The following EP300 variants were observed in gnomAD, a reference collection of about 807,000 sequenced individuals.
EP300 encodes the protein histone acetyltransferase p300.
In EP300, 31 loss-of-function variants were observed where a neutral mutation model predicts 264.0. The observed-to-expected ratio is 0.12, with a 90% CI of 0.09 to 0.16. EP300 has a LOEUF of 0.16. Ranked by LOEUF, EP300 falls within the 10% of genes least tolerant of loss-of-function variation. EP300 has a pLI of 1.00. For missense variants in EP300, 2,766 were observed against 3,052.9 expected, an observed-to-expected ratio of 0.91 and a Z score of 2.21; for synonymous variants, 1,340 against 1,045.4, an observed-to-expected ratio of 1.28 and a Z score of -5.44.
chr22:41,156,661 G>A (rs1384794566), intron 17 of EP300, among the ~76,000 whole-genome samples: 2 of 152,154 alleles, frequency 1.3e-5, no homozygotes, highest in Admixed American at 6.5e-5. Flanking sequence ...GGAGGCAGAG[G>A]TTGCACTGAG....
chr22:41,094,830 G>T (rs1374406583), intron 1 of EP300, among the ~76,000 whole-genome samples: 1 of 152,118 alleles, frequency 6.6e-6, no homozygotes, highest in African/African-American at 2.4e-5. Context: ...TGTACTTTGA[G>T]TAGTCCTGAT....
intron 16 of EP300, 48 bp downstream of exon 16, chr22:41,152,398 G>A (rs764990703): frequency 1.3e-6 from 2 of 1,583,434 alleles, no homozygotes; most frequent in South Asian, 1.1e-5. Context: ...AGAAACCAAA[G>A]ACCCAGGGCA....
Position 41,131,443 on chromosome 22 carries a change from T to A in EP300, c.1338T>A (p.Gly446=), listed in dbSNP as rs2145715543. The change falls in exon 6 of 31, where the codon GGT becomes GGA. Residue 446 remains glycine, a synonymous_variant. Coordinates refer to ENST00000263253, the MANE Select transcript of EP300 (RefSeq NM_001429.4). ...GLGNPSSLGV[G]QQSAPNLSTV... ...GAAATCCTAGCTCTCTAGGGGTGGGTCAACAGTCTGCCCCCAACCTAAGCA... is the reference window on the plus strand; with the variant it reads ...GAAATCCTAGCTCTCTAGGGGTGGGACAACAGTCTGCCCCCAACCTAAGCA... The A allele has an allele frequency of 6.2e-7, 1 of 1,614,036 alleles. No homozygotes were observed. The highest frequency in any genetic ancestry group is 8.5e-7 in the Non-Finnish European group (1 of 1,179,998).
intron 1 of EP300, among the ~76,000 whole-genome samples, chr22:41,106,216 A>T (rs5751043): frequency 6.6e-6 from 1 of 152,188 alleles, no homozygotes; most frequent in Non-Finnish European, 1.5e-5. Flanking sequence ...TTAAAATTTC[A>T]TGCTTTTTAA....
At chr22:41,176,133 T>C (rs2059199089) in intron 29 of EP300, 114 bp from the exon 30 acceptor site, 1 of 1,233,696 alleles carries the variant, frequency 8.1e-7, no homozygotes, top group Admixed American at 1.8e-5. Context: ...GGTGGGATAA[T>C]TGCTTGAGCC....
At chr22:41,135,955 G>T in intron 7 of EP300, 49 bp downstream of exon 7, 1 of 1,336,982 alleles carries the variant, frequency 7.5e-7, no homozygotes, top group South Asian at 1.2e-5. Flanking sequence ...AAATACTACT[G>T]GTTAACAATT....
At chr22:41,100,538 AT>A (rs1175328983) in intron 1 of EP300, among the ~76,000 whole-genome samples, 3 of 152,204 alleles carry the variant, frequency 2.0e-5, no homozygotes, top group Non-Finnish European at 2.9e-5. Context: ...TCAGCCACAG[AT>A]TGAAAATATT....
chr22:41,170,331 A>T (rs2145766138), intron 26 of EP300, 75 bp from the exon 27 acceptor site: 1 of 1,421,750 alleles, frequency 7.0e-7, no homozygotes, highest in Non-Finnish European at 9.9e-7. Flanking sequence ...ATCAACTCCA[A>T]CTTGTGGTTT....
intron 1 of EP300, among the ~76,000 whole-genome samples, chr22:41,099,492 C>T (rs974010187): frequency 7.2e-5 from 11 of 152,168 alleles, no homozygotes; most frequent in African/African-American, 9.7e-5. Flanking sequence ...AATTTAATGC[C>T]TTTTCCATCT....
chr22:41,095,012 AATTC>A (rs1215725134), intron 1 of EP300, among the ~76,000 whole-genome samples: 3 of 152,148 alleles, frequency 2.0e-5, no homozygotes, highest in Non-Finnish European at 4.4e-5. Context: ...CATTGAGATT[AATTC>A]ATTCACTCAT....
rs575335037 is a variant in EP300 at position 41,142,574 on chromosome 22, G to A, written c.2053+1352G>A. On this transcript the variant is annotated intron_variant, in intron 10 of 30. Transcript: ENST00000263253. ...GCTTCAGTACATGATTTGGACTTGA[G>A]TAGTAACTAAAGATTAAAAAAAGTA... Among the ~76,000 whole-genome samples the A allele has an allele frequency of 6.6e-5, 10 of 152,222 alleles. No individual in the cohort carries two copies. In the South Asian group the frequency reaches 2.1e-3, roughly 32 times the overall value.
chr22:41,164,198 C>T (rs2059122929), intron 22 of EP300, 68 bp downstream of exon 22: 1 of 1,352,538 alleles, frequency 7.4e-7, no homozygotes, highest in African/African-American at 1.4e-5. Flanking sequence ...GTTTTTTATT[C>T]TATGCAATTG....
chr22:41,105,853 G>C (rs945511963), intron 1 of EP300, among the ~76,000 whole-genome samples: 2 of 152,134 alleles, frequency 1.3e-5, no homozygotes. Flanking sequence ...AAATTCAACA[G>C]CTGTCAGCAT....
intron 1 of EP300, among the ~76,000 whole-genome samples, chr22:41,104,115 C>T (rs1198665925): frequency 6.6e-6 from 1 of 152,006 alleles, no homozygotes; most frequent in African/African-American, 2.4e-5. Flanking sequence ...TATGTTTCTC[C>T]ATCTAGGATT....
At chr22:41,127,851 C>T (rs2058891976) in intron 4 of EP300, 103 bp downstream of exon 4, 2 of 1,430,186 alleles carry the variant, frequency 1.4e-6, no homozygotes, top group Non-Finnish European at 1.9e-6. Context: ...ATGTTTAATA[C>T]CTTAATTGTG....
At chr22:41,135,714 T>C in intron 6 of EP300, 99 bp from the exon 7 acceptor site, 1 of 942,218 alleles carries the variant, frequency 1.1e-6, no homozygotes, top group Admixed American at 2.0e-5. Context: ...TGCTGCAAAT[T>C]TTTTTTCTGA....
At chr22:41,122,667 A>T (rs763735405) in intron 2 of EP300, among the ~76,000 whole-genome samples, 69 of 151,678 alleles carry the variant, frequency 4.5e-4, no homozygotes, top group Non-Finnish European at 8.1e-4. Context: ...ATTAATTTAC[A>T]TTTTTTTGTT....
At chr22:41,147,689 G>A (rs551816087) in intron 11 of EP300, 148 bp from the exon 12 acceptor site, 2 of 625,472 alleles carry the variant, frequency 3.2e-6, no homozygotes, top group Admixed American at 2.3e-5. Context: ...AGTGAGCGGA[G>A]ATTGCGCCAC....
chr22:41,117,482 C>T lies in EP300; in HGVS notation c.390C>T (p.Gly130=). The change falls in exon 2 of 31, where the codon GGC becomes GGT. Residue 130 remains glycine (G), a synonymous_variant. Transcript: ENST00000263253. The part of the protein sequence containing the change: ...SMVKSPMTQA[G]LTSPNMGMGT... The stretch of plus-strand genomic sequence containing the variant: ...TCAAAAGCCCAATGACACAGGCAGG[C>T]TTGACTTCTCCCAACATGGGGATGG... 2 of 1,613,636 alleles carry T rather than the reference C, an allele frequency of 1.2e-6. No homozygotes were observed. The highest frequency in any genetic ancestry group is 1.3e-5 in the African/African-American group (1 of 75,066).
Sources: gnomAD v4.1 joint callset for allele counts (sites outside exome capture counted in the v4.1 genomes callset) on GRCh38, gnomAD v4.1.1 for gene constraint, MANE v1.5 for transcripts, NCBI Gene and HGNC (gene_info 2026-07-23, HGNC 2026-07-21) for gene names.